The following PRMT3 variants were observed in gnomAD, a reference collection of about 807,000 sequenced individuals.
The protein encoded by PRMT3 is protein arginine N-methyltransferase 3.
PRMT3 carries 62 observed loss-of-function variants against 71.9 expected under a neutral mutation model. That is an observed-to-expected ratio of 0.86 (90% confidence interval 0.70 to 1.07). The LOEUF (loss-of-function observed/expected upper bound fraction) is 1.07. Among genes scored for constraint, PRMT3 ranks in the 50% least tolerant of loss-of-function variants. The pLI is 0.00. For missense variants in PRMT3, 663 were observed against 643.0 expected (o/e 1.03, Z -0.34); for synonymous variants, 213 against 220.4 (o/e 0.97, Z 0.30).
At chr11:20,419,678 T>C (rs1370524352) in intron 9 of PRMT3, among the ~76,000 whole-genome samples, 1 of 152,204 alleles carries the variant, frequency 6.6e-6, no homozygotes. Context: ...TTGTTCCTTT[T>C]TTTGGTATTC....
intron 13 of PRMT3, among the ~76,000 whole-genome samples, chr11:20,479,205 A>C (rs1234760941): frequency 1.3e-5 from 2 of 152,118 alleles, no homozygotes; most frequent in African/African-American, 4.8e-5. Flanking sequence ...TCTGCTCTGA[A>C]ACCTGAACCT....
chr11:20,408,467 T>C (rs1849121516), intron 9 of PRMT3, among the ~76,000 whole-genome samples: 1 of 152,162 alleles, frequency 6.6e-6, no homozygotes, highest in Non-Finnish European at 1.5e-5. Flanking sequence ...CACTAGTCCA[T>C]GTACCTCCTT....
chr11:20,490,827 T>C (rs1259516114), intron 13 of PRMT3, among the ~76,000 whole-genome samples: 1 of 147,214 alleles, frequency 6.8e-6, no homozygotes, highest in Admixed American at 6.8e-5. Context: ...GTTGTTCCAG[T>C]TTACCTTCTG....
chr11:20,441,576 G>A (rs1031591431), intron 10 of PRMT3, among the ~76,000 whole-genome samples: 19 of 151,650 alleles, frequency 1.3e-4, no homozygotes, highest in Admixed American at 3.9e-4. Flanking sequence ...CAAAGTGCTG[G>A]GATTACAGGC....
intron 9 of PRMT3, among the ~76,000 whole-genome samples, chr11:20,409,446 T>C (rs953388180): frequency 6.6e-6 from 1 of 152,214 alleles, no homozygotes; most frequent in African/African-American, 2.4e-5. Flanking sequence ...CAGCACATAG[T>C]AAATATTTTG....
chr11:20,472,830 T>C (rs1388597941), intron 13 of PRMT3, among the ~76,000 whole-genome samples: 1 of 139,380 alleles, frequency 7.2e-6, no homozygotes, highest in Non-Finnish European at 1.5e-5. Flanking sequence ...AGAATTAAGC[T>C]GTGAATCTAT....
chr11:20,446,172 G>T (rs897218568), intron 10 of PRMT3, among the ~76,000 whole-genome samples: 1 of 152,034 alleles, frequency 6.6e-6, no homozygotes, highest in Admixed American at 6.6e-5. Flanking sequence ...CCAAAGTACT[G>T]CAGTAAAATT....
chr11:20,465,175 A>G (rs1850482656), intron 13 of PRMT3, among the ~76,000 whole-genome samples: 1 of 152,088 alleles, frequency 6.6e-6, no homozygotes, highest in African/African-American at 2.4e-5. Context: ...TTCATGAGAT[A>G]TATGTGAAAA....
chr11:20,499,989 G>A (rs1320454263), intron 15 of PRMT3, among the ~76,000 whole-genome samples: 4 of 152,122 alleles, frequency 2.6e-5, no homozygotes, highest in South Asian at 4.1e-4. Flanking sequence ...GGAGAAGACC[G>A]GAATTCTAAG....
At chr11:20,472,029 AC>A (rs1170445192) in intron 13 of PRMT3, among the ~76,000 whole-genome samples, 1 of 151,942 alleles carries the variant, frequency 6.6e-6, no homozygotes, top group African/African-American at 2.4e-5. Context: ...AATGCTAGTG[AC>A]TTTTTGCTCA....
rs560114354 is a variant in PRMT3, at chr11:20,402,453, G to A, written c.706-466G>A. The stretch of plus-strand genomic sequence containing the variant: ...TATTTCTATTTTTTTTTGGAGGCAG[G>A]GTCTCACTTTGTTGCCCAGCCTGGT... On this transcript the variant is annotated intron_variant, in intron 7 of 15. Coordinates refer to ENST00000331079, the MANE Select transcript of PRMT3 (RefSeq NM_005788.4). 2.0e-5 allele frequency among the ~76,000 whole-genome samples: 3 copies of A among 151,912 alleles called. No homozygotes were observed. In the East Asian group the frequency reaches 5.8e-4, roughly 29 times the overall value.
chr11:20,421,168 G>C (rs995486353), intron 9 of PRMT3, among the ~76,000 whole-genome samples: 2 of 152,110 alleles, frequency 1.3e-5, no homozygotes, highest in African/African-American at 4.8e-5. Flanking sequence ...TTCTCGAGTA[G>C]CCGGGACCAC....
intron 13 of PRMT3, among the ~76,000 whole-genome samples, chr11:20,491,250 G>C (rs1359670297): frequency 1.3e-5 from 2 of 151,984 alleles, no homozygotes; most frequent in Non-Finnish European, 2.9e-5. Context: ...TGTGTTTTCT[G>C]TCACCGTTGG....
intron 10 of PRMT3, among the ~76,000 whole-genome samples, chr11:20,449,900 G>T (rs976631151): frequency 3.9e-5 from 6 of 151,960 alleles, no homozygotes; most frequent in Non-Finnish European, 7.4e-5. Context: ...CAAAGTCCTT[G>T]ATCTTGGAGC....
chr11:20,442,497 T>C (rs1393436620), intron 10 of PRMT3, among the ~76,000 whole-genome samples: 1 of 152,200 alleles, frequency 6.6e-6, no homozygotes, highest in Non-Finnish European at 1.5e-5. Context: ...TTTGAAAATA[T>C]TAGATATGTA....
At chr11:20,417,506 C>G (rs766038089) in intron 9 of PRMT3, among the ~76,000 whole-genome samples, 1 of 152,038 alleles carries the variant, frequency 6.6e-6, no homozygotes, top group African/African-American at 2.4e-5. Flanking sequence ...GTCTGTCTCC[C>G]CACTAGACCA....
chr11:20,445,689 C>T (rs1446046529), intron 10 of PRMT3, among the ~76,000 whole-genome samples: 3 of 152,052 alleles, frequency 2.0e-5, no homozygotes, highest in African/African-American at 7.2e-5. Flanking sequence ...CTCCGTACCC[C>T]AGAGGTAACC....
intron 13 of PRMT3, among the ~76,000 whole-genome samples, chr11:20,490,221 T>G (rs1288330930): frequency 1.3e-5 from 2 of 152,042 alleles, no homozygotes; most frequent in Non-Finnish European, 2.9e-5. Flanking sequence ...AACTGAGTAT[T>G]ACTGTAAACC....
In PRMT3 at chr11:20,407,976, G is replaced by A; in HGVS notation, c.837G>A (p.Lys279=). The A allele has an allele frequency of 6.2e-7, 1 of 1,606,038 alleles. No individual in the cohort carries two copies. The highest frequency in any genetic ancestry group is 8.5e-7 in the Non-Finnish European group (1 of 1,172,778). The change falls in exon 9 of 16, where the codon AAG becomes AAA. Residue 279 remains lysine (K), a synonymous_variant. Transcript: ENST00000331079. ...TGTTTGCTGCTAAAGCTGGGGCGAA[G>A]AAGGTTCTTGGAGTTGATCAATCTG... ...LSMFAAKAGA[K]KVLGVDQSEI...
Sources: allele counts gnomAD v4.1 joint callset (sites outside exome capture counted in the v4.1 genomes callset), GRCh38; gene constraint gnomAD v4.1.1; transcripts MANE v1.5; gene names NCBI Gene and HGNC (gene_info 2026-07-23, HGNC 2026-07-21).